SNX10: variants seen among roughly 807,000 people sequenced by gnomAD.
SNX10 encodes the protein sorting nexin-10.
A neutral mutation model predicts 28.5 loss-of-function variants in SNX10; 25 were observed. The ratio of observed to expected loss-of-function variants is 0.88; its 90% CI spans 0.64 to 1.22. The LOEUF (loss-of-function observed/expected upper bound fraction) is 1.22. Among genes scored for constraint, SNX10 ranks in the 50% most tolerant of loss-of-function variants. The probability of loss-of-function intolerance (pLI) is 0.00; values close to 1 mark genes in which losing one functional copy is unlikely to be tolerated. For synonymous variants in SNX10, 62 were observed against 81.4 expected (o/e 0.76, Z 1.28); for missense variants, 223 against 242.6 (o/e 0.92, Z 0.54).
At position 26,293,877 on chromosome 7, in the gene SNX10, A is replaced by G. The variant is rs142863418; in HGVS notation, c.-24+1791A>G. Among the ~76,000 whole-genome samples, 689 of 152,292 alleles carry G rather than the reference A, an allele frequency of 4.5e-3. 7 individuals carry two copies. Among genetic ancestry groups the G allele is most frequent in the African/African-American group, 0.015 (643 of 41,558 alleles). On this transcript the variant is annotated intron_variant, in intron 1 of 6. Coordinates refer to ENST00000338523, the MANE Select transcript of SNX10 (RefSeq NM_013322.3). ...CACGTTCATTAAAAAAAATAAAAGT[A>G]TGTTAATCAAAGAGTAACGTTGGTG... is the stretch of plus-strand genomic sequence containing the variant.
chr7:26,329,823 G>C (rs1787664891), intron 1 of SNX10, among the ~76,000 whole-genome samples: 1 of 152,170 alleles, frequency 6.6e-6, no homozygotes. Context: ...AGAGAAAATA[G>C]GGGAGACAAA....
At chr7:26,323,794 G>A (rs1209326743) in intron 1 of SNX10, among the ~76,000 whole-genome samples, 1 of 152,156 alleles carries the variant, frequency 6.6e-6, no homozygotes, top group African/African-American at 2.4e-5. Context: ...CAGGAGTAGG[G>A]TTTCAGCAAT....
intron 1 of SNX10, among the ~76,000 whole-genome samples, chr7:26,329,048 C>T (rs1787619566): frequency 1.3e-5 from 2 of 152,152 alleles, no homozygotes; most frequent in Non-Finnish European, 2.9e-5. Context: ...TGCTTTGGCC[C>T]CCTACAGTCT....
At chr7:26,315,975 G>T (rs1264121923) in intron 1 of SNX10, among the ~76,000 whole-genome samples, 2 of 151,888 alleles carry the variant, frequency 1.3e-5, no homozygotes, top group Non-Finnish European at 2.9e-5. Flanking sequence ...GAGGTCAGGA[G>T]ATCGAGACCA....
At chr7:26,307,385 G>A (rs1786641535) in intron 1 of SNX10, among the ~76,000 whole-genome samples, 1 of 152,124 alleles carries the variant, frequency 6.6e-6, no homozygotes, top group African/African-American at 2.4e-5. Flanking sequence ...CCCGGCCTGT[G>A]AGTCATCCTT....
chr7:26,335,336 A>G (rs1329778539), intron 1 of SNX10, among the ~76,000 whole-genome samples: 2 of 152,144 alleles, frequency 1.3e-5, no homozygotes, highest in Non-Finnish European at 2.9e-5. Flanking sequence ...TTTCTCTTTC[A>G]TCACTTTCCA....
intron 2 of SNX10, among the ~76,000 whole-genome samples, chr7:26,348,629 G>A (rs1183049672): frequency 6.6e-6 from 1 of 152,164 alleles, no homozygotes; most frequent in African/African-American, 2.4e-5. Flanking sequence ...TGGTGTAGCT[G>A]GAATGATCGC....
chr7:26,306,613 C>T (rs1227244996), intron 1 of SNX10, among the ~76,000 whole-genome samples: 1 of 151,988 alleles, frequency 6.6e-6, no homozygotes, highest in Non-Finnish European at 1.5e-5. Context: ...TCATGTTGCC[C>T]AGGTCTCGAA....
intron 3 of SNX10, among the ~76,000 whole-genome samples, chr7:26,361,917 AAATT>A (rs1157668141): frequency 1.3e-5 from 2 of 152,240 alleles, no homozygotes; most frequent in African/African-American, 4.8e-5. Flanking sequence ...GATGCAAACT[AAATT>A]AGTTCAACTG....
intron 1 of SNX10, among the ~76,000 whole-genome samples, chr7:26,327,118 T>C (rs996430034): frequency 2.6e-5 from 4 of 152,098 alleles, no homozygotes; most frequent in African/African-American, 9.7e-5. Flanking sequence ...CCCTGGCTAA[T>C]TTTTGTATTT....
chr7:26,339,528 A>ATTTTT (rs1788090998), intron 1 of SNX10, among the ~76,000 whole-genome samples: 4 of 101,646 alleles, frequency 3.9e-5, no homozygotes, highest in Admixed American at 1.2e-4. Flanking sequence ...GTTGAGCTTG[A>ATTTTT]TCTTTTTTTT....
intron 5 of SNX10, among the ~76,000 whole-genome samples, chr7:26,367,253 G>A (rs959954535): frequency 5.9e-5 from 9 of 152,046 alleles, no homozygotes; most frequent in African/African-American, 2.2e-4. Context: ...TGCGTGCCAC[G>A]GACATAGGAC....
At chr7:26,303,960 G>C (rs1386589012) in intron 1 of SNX10, among the ~76,000 whole-genome samples, 2 of 152,124 alleles carry the variant, frequency 1.3e-5, no homozygotes, top group Non-Finnish European at 2.9e-5. Context: ...TGGCTTCTTG[G>C]GTTTGTCACA....
chr7:26,304,801 TA>T (rs1786519704), intron 1 of SNX10, among the ~76,000 whole-genome samples: 1 of 152,212 alleles, frequency 6.6e-6, no homozygotes, highest in African/African-American at 2.4e-5. Context: ...ACTGTTTAAT[TA>T]CTTTTGGGGA....
chr7:26,326,642 CT>C (rs1249265391), intron 1 of SNX10, among the ~76,000 whole-genome samples: 2 of 152,244 alleles, frequency 1.3e-5, no homozygotes, highest in Non-Finnish European at 2.9e-5. Context: ...TACCTGTTAA[CT>C]TTTCCATTTC....
chr7:26,368,096 A>G (rs895587844), intron 5 of SNX10, among the ~76,000 whole-genome samples: 3 of 152,220 alleles, frequency 2.0e-5, no homozygotes, highest in Non-Finnish European at 4.4e-5. Flanking sequence ...TAGGTGCCAA[A>G]TAAGAATAAT....
intron 1 of SNX10, among the ~76,000 whole-genome samples, chr7:26,303,979 A>G (rs1470272766): frequency 6.6e-6 from 1 of 152,232 alleles, no homozygotes; most frequent in Admixed American, 6.5e-5. Flanking sequence ...CAGACATTTC[A>G]TATTAACTTG....
Position 26,293,421 on chromosome 7 carries a change from G to T in SNX10, c.-24+1335G>T, listed in dbSNP as rs902533774. Reference sequence around the variant, plus strand: ...GGTTTTGCCATGTTGCCCCAGGCAGGTCTGGAAGTCCTGAGCTCAAGCAAT... The same window carrying T: ...GGTTTTGCCATGTTGCCCCAGGCAGTTCTGGAAGTCCTGAGCTCAAGCAAT... On this transcript the variant is annotated intron_variant, in intron 1 of 6. Transcript: ENST00000338523. Among the ~76,000 whole-genome samples, 19 of 152,164 alleles carry T rather than the reference G, an allele frequency of 1.2e-4. No individual in the cohort carries two copies. The Middle Eastern group carries it at 0.014, about 109-fold the overall frequency.
chr7:26,371,673 C>A (rs1297629979), intron 5 of SNX10, 148 bp from the exon 6 acceptor site: 1 of 580,204 alleles, frequency 1.7e-6, no homozygotes, highest in Non-Finnish European at 3.0e-6. Flanking sequence ...TGCTTTCCTC[C>A]CCTTAATGGG....
Sources: gnomAD v4.1 joint callset for allele counts (sites outside exome capture counted in the v4.1 genomes callset) on GRCh38, gnomAD v4.1.1 for gene constraint, MANE v1.5 for transcripts, NCBI Gene and HGNC (gene_info 2026-07-23, HGNC 2026-07-21) for gene names.